The following WWOX variants were observed in gnomAD, a reference collection of about 807,000 sequenced individuals.
The protein encoded by WWOX is WW domain-containing oxidoreductase.
Under a neutral mutation model 46.2 loss-of-function variants are expected in WWOX, and 69 were observed. The ratio of observed to expected loss-of-function variants is 1.49; its 90% confidence interval spans 1.23 to 1.82. The LOEUF (loss-of-function observed/expected upper bound fraction) is 1.82. Ranked by LOEUF, WWOX falls within the 40% of genes most tolerant of loss-of-function variation. The probability of loss-of-function intolerance (pLI) is 0.00; values close to 1 mark genes in which losing one functional copy is unlikely to be tolerated. For missense variants in WWOX, 919 were observed against 542.6 expected, an observed-to-expected ratio of 1.69 and a Z score of -6.89; for synonymous variants, 359 against 202.6, an observed-to-expected ratio of 1.77 and a Z score of -6.56.
intron 8 of WWOX, among the ~76,000 whole-genome samples, chr16:78,682,350 G>T (rs867374532): frequency 6.6e-6 from 1 of 152,258 alleles, no homozygotes. Flanking sequence ...ACACCTTTCA[G>T]CTCAGTTTTT....
At chr16:78,669,093 A>G (rs951635054) in intron 8 of WWOX, among the ~76,000 whole-genome samples, 1 of 152,200 alleles carries the variant, frequency 6.6e-6, no homozygotes, top group African/African-American at 2.4e-5. Flanking sequence ...AGCTAAGCAG[A>G]TGGATAAGCC....
intron 4 of WWOX, among the ~76,000 whole-genome samples, chr16:78,127,427 C>T (rs975699078): frequency 6.0e-5 from 9 of 151,154 alleles, no homozygotes; most frequent in African/African-American, 2.2e-4. Context: ...CTGCTTTAGA[C>T]ACTGGCTTGT....
chr16:78,662,970 G>GAAGTC (rs770568762), intron 8 of WWOX, among the ~76,000 whole-genome samples: 9 of 152,158 alleles, frequency 5.9e-5, no homozygotes, highest in Non-Finnish European at 1.3e-4. Context: ...CTTAATCTTG[G>GAAGTC]AAGTCACATC....
At chr16:78,320,195 C>T (rs932768587) in intron 5 of WWOX, among the ~76,000 whole-genome samples, 1 of 152,118 alleles carries the variant, frequency 6.6e-6, no homozygotes, top group African/African-American at 2.4e-5. Flanking sequence ...CTTGCATGTA[C>T]GAGCAAATGA....
intron 8 of WWOX, among the ~76,000 whole-genome samples, chr16:78,886,104 T>G (rs1368552144): frequency 6.6e-6 from 1 of 151,860 alleles, no homozygotes; most frequent in African/African-American, 2.4e-5. Context: ...TTTGTATATT[T>G]AGTAGAGACG....
At chr16:79,090,273 C>T (rs2150599012) in intron 8 of WWOX, among the ~76,000 whole-genome samples, 1 of 119,116 alleles carries the variant, frequency 8.4e-6, no homozygotes, top group East Asian at 2.6e-4. Context: ...ACAGATTCTA[C>T]TGTGTGCGTG....
At chr16:78,167,108 A>G (rs181505857) in intron 5 of WWOX, 1 of 152,236 alleles carries the variant, frequency 6.6e-6, no homozygotes, top group Non-Finnish European at 1.5e-5. Context: ...CTGTAGCACA[A>G]CTGTTTTTGC....
intron 8 of WWOX, among the ~76,000 whole-genome samples, chr16:79,168,176 G>A (rs76253130): frequency 6.6e-6 from 1 of 152,014 alleles, no homozygotes; most frequent in Non-Finnish European, 1.5e-5. Flanking sequence ...ATAATGACTT[G>A]TGTTGCCATA....
chr16:78,422,796 TATATATACACACAC>T (rs1310587405), intron 6 of WWOX, among the ~76,000 whole-genome samples: 1 of 121,118 alleles, frequency 8.3e-6, no homozygotes, highest in African/African-American at 4.5e-5. Flanking sequence ...CACACACACA[TATATATACACACAC>T]ATATATATAC....
chr16:79,195,807 G>C (rs528841483), intron 8 of WWOX, among the ~76,000 whole-genome samples: 4 of 152,348 alleles, frequency 2.6e-5, no homozygotes, highest in Admixed American at 2.6e-4. Context: ...CAGTGACTGG[G>C]TGAGTTTGAC....
At chr16:78,175,981 C>G (rs1027675827) in intron 5 of WWOX, among the ~76,000 whole-genome samples, 3 of 152,088 alleles carry the variant, frequency 2.0e-5, no homozygotes, top group Admixed American at 6.5e-5. Flanking sequence ...CTTGTTTGAC[C>G]TCTCTCCAAC....
intron 8 of WWOX, among the ~76,000 whole-genome samples, chr16:78,928,595 G>A (rs1057367990): frequency 6.6e-6 from 1 of 152,038 alleles, no homozygotes; most frequent in Non-Finnish European, 1.5e-5. Context: ...TGTTAAAATA[G>A]TTGTAAATAC....
chr16:78,613,143 T>C (rs1440944237), intron 8 of WWOX, among the ~76,000 whole-genome samples: 2 of 152,110 alleles, frequency 1.3e-5, no homozygotes, highest in Non-Finnish European at 2.9e-5. Context: ...CTGCTCACAA[T>C]GACAAGTGAG....
At chr16:78,230,067 A>G (rs2151806581) in intron 5 of WWOX, among the ~76,000 whole-genome samples, 1 of 151,954 alleles carries the variant, frequency 6.6e-6, no homozygotes, top group Middle Eastern at 3.4e-3. Flanking sequence ...TTTTGTGGAG[A>G]TGGGGTTTTA....
intron 8 of WWOX, among the ~76,000 whole-genome samples, chr16:78,527,986 A>G (rs1429249908): frequency 2.5e-5 from 2 of 80,976 alleles, no homozygotes; most frequent in Non-Finnish European, 4.8e-5. Flanking sequence ...GGACTGGTAC[A>G]TGTCCTTTTT....
chr16:78,486,883 G>C (rs530980169), intron 8 of WWOX, among the ~76,000 whole-genome samples: 2 of 152,148 alleles, frequency 1.3e-5, no homozygotes, highest in African/African-American at 2.4e-5. Flanking sequence ...TTGTCTGTCA[G>C]GTTTAAATTG....
chr16:78,365,992 T>C (rs138732598), intron 5 of WWOX, among the ~76,000 whole-genome samples: 1,591 of 152,308 alleles, frequency 0.01, 32 homozygotes, highest in African/African-American at 0.037. Flanking sequence ...GCTTGTGATT[T>C]GAAGCTTCTT....
Position 78,758,891 on chromosome 16 carries a change from C to T in WWOX, c.1056+326139C>T, listed in dbSNP as rs185664543. Among the ~76,000 whole-genome samples, 246 of 151,164 alleles carry T rather than the reference C, an allele frequency of 1.6e-3. 1 individual carries two copies. Among genetic ancestry groups the T allele is most frequent in the Middle Eastern group, 0.01 (3 of 294 alleles). On this transcript the variant is annotated intron_variant, in intron 8 of 8. Coordinates refer to ENST00000566780, the MANE Select transcript of WWOX (RefSeq NM_016373.4). ...TCAAGATTTGGAAGAGAATCTTCTT[C>T]CCAAGCCAGCATTTTATATTTTGCA...
intron 6 of WWOX, among the ~76,000 whole-genome samples, chr16:78,412,605 G>A (rs933180674): frequency 2.0e-5 from 3 of 152,134 alleles, no homozygotes; most frequent in African/African-American, 7.2e-5. Flanking sequence ...AAGAGTGGAT[G>A]GTATCACAGA....
Sources: gnomAD v4.1 joint callset for allele counts (sites outside exome capture counted in the v4.1 genomes callset) on GRCh38, gnomAD v4.1.1 for gene constraint, MANE v1.5 for transcripts, NCBI Gene and HGNC (gene_info 2026-07-23, HGNC 2026-07-21) for gene names.